The following STK10 variants were observed in gnomAD, a reference collection of about 807,000 sequenced individuals.
STK10 encodes serine/threonine-protein kinase 10.
A neutral mutation model predicts 113.8 loss-of-function variants in STK10; 78 were observed. The observed-to-expected ratio is 0.69, with a 90% CI of 0.57 to 0.83. The LOEUF is 0.83. Among genes scored for constraint, STK10 ranks in the 40% least tolerant of loss-of-function variants. The probability of loss-of-function intolerance (pLI) is 0.00; values close to 1 mark genes in which losing one functional copy is unlikely to be tolerated. For missense variants in STK10, 1,109 were observed against 1,280.1 expected (o/e 0.87, Z 2.04); for synonymous variants, 465 against 494.7 (o/e 0.94, Z 0.80).
intron 3 of STK10, among the ~76,000 whole-genome samples, chr5:172,126,063 C>T (rs763421750): frequency 3.9e-5 from 6 of 152,202 alleles, no homozygotes; most frequent in Admixed American, 6.5e-5. Context: ...TCCTAAGTGC[C>T]TCTCCTCTTC....
chr5:172,060,873 C>T (rs1381385651), intron 14 of STK10, among the ~76,000 whole-genome samples: 1 of 152,226 alleles, frequency 6.6e-6, no homozygotes, highest in East Asian at 1.9e-4. Flanking sequence ...GTAAATCCAG[C>T]TCACTTATTA....
intron 10 of STK10, among the ~76,000 whole-genome samples, chr5:172,083,644 A>AAT (rs1768483084): frequency 6.6e-6 from 1 of 152,242 alleles, no homozygotes; most frequent in Non-Finnish European, 1.5e-5. Flanking sequence ...GTGGTGGCTC[A>AAT]CACCTGTAAT....
At chr5:172,151,567 A>G (rs9313578) in intron 2 of STK10, among the ~76,000 whole-genome samples, 71,765 of 151,680 alleles carry the variant, frequency 0.47, 17,287 homozygotes, top group African/African-American at 0.57. Flanking sequence ...GGCTGGTCTC[A>G]AACGCCTGAT....
rs146831583 is a variant in STK10, at chr5:172,058,976, C to T, written c.2213-1503G>A. ...CGGTGGCTCATGCCTGTAATCCTAG[C>T]ACTTTGGGAGGCCGACGCAGGCAGA... On this transcript the variant is annotated intron_variant, in intron 14 of 18. Transcript: ENST00000176763. Among the ~76,000 whole-genome samples, 1,395 of 152,150 alleles carry T rather than the reference C, an allele frequency of 9.2e-3. 27 individuals carry two copies. The highest frequency in any genetic ancestry group is 0.032 in the African/African-American group (1,340 of 41,502).
At chr5:172,153,287 A>G (rs994828142) in intron 2 of STK10, among the ~76,000 whole-genome samples, 1 of 83,592 alleles carries the variant, frequency 1.2e-5, no homozygotes, top group African/African-American at 5.0e-5. Flanking sequence ...ACTCCATCTC[A>G]AAAAGAAAGA....
chr5:172,055,759 C>T lies in STK10; in HGVS notation c.2355G>A (p.Gln785=), dbSNP rs1226917522. 5.3e-6 allele frequency: 8 copies of T among 1,511,212 alleles called. No homozygotes were observed. The highest frequency in any genetic ancestry group is 2.1e-5 in the Admixed American group (1 of 47,014). 93.6% of individuals were successfully genotyped at this position (1,511,212 alleles called of 1,614,324 possible). A position where few individuals can be genotyped will look rare whatever the true frequency, so the allele number is the denominator to read the frequency against. ...RKHEKEREQM[Q]RYNQRMIEQL... is the part of the protein sequence containing the mutation. ...GCTCTATCATGCGCTGGTTGTAGCG[C>T]TGCATCTGCTCCCGCTCCTGGAGAG... Residue 785 remains glutamine (Q), a synonymous_variant, in exon 16 of 19, where the codon CAG becomes CAA. Coordinates refer to ENST00000176763, the MANE Select transcript of STK10 (RefSeq NM_005990.4).
intron 2 of STK10, among the ~76,000 whole-genome samples, chr5:172,132,563 A>C (rs1472844935): frequency 6.6e-6 from 1 of 152,102 alleles, no homozygotes; most frequent in Non-Finnish European, 1.5e-5. Flanking sequence ...ATCAAGTCCA[A>C]AGTGAAACCG....
chr5:172,100,694 A>G (rs112794786), intron 7 of STK10, among the ~76,000 whole-genome samples: 14,522 of 152,114 alleles, frequency 0.095, 2,313 homozygotes, highest in African/African-American at 0.33. Flanking sequence ...GGCTGAAGCA[A>G]GAGAATCGCT....
chr5:172,083,655 T>C (rs147024214), intron 10 of STK10, among the ~76,000 whole-genome samples: 6,298 of 152,124 alleles, frequency 0.041, 442 homozygotes, highest in African/African-American at 0.14. Flanking sequence ...CACCTGTAAT[T>C]CCAGCACTTT....
At chr5:172,181,437 G>A (rs1262902195) in intron 1 of STK10, among the ~76,000 whole-genome samples, 7 of 151,624 alleles carry the variant, frequency 4.6e-5, no homozygotes, top group Non-Finnish European at 8.8e-5. Context: ...TACGTATTAC[G>A]TAAAGCGCCT....
At chr5:172,167,796 A>G (rs1007824271) in intron 1 of STK10, among the ~76,000 whole-genome samples, 6 of 152,258 alleles carry the variant, frequency 3.9e-5, no homozygotes, top group African/African-American at 1.4e-4. Flanking sequence ...AGGTACATAC[A>G]GAACACTTCG....
chr5:172,084,349 G>A (rs557823368), intron 10 of STK10, among the ~76,000 whole-genome samples: 1 of 151,948 alleles, frequency 6.6e-6, no homozygotes, highest in East Asian at 1.9e-4. Context: ...GCAGTGAGCC[G>A]AGATAGCGCC....
intron 4 of STK10, among the ~76,000 whole-genome samples, chr5:172,116,465 T>C (rs559337695): frequency 6.6e-6 from 1 of 152,270 alleles, no homozygotes; most frequent in South Asian, 2.1e-4. Flanking sequence ...AAAGCGCTTG[T>C]CTCTGCAGGT....
intron 18 of STK10, among the ~76,000 whole-genome samples, chr5:172,046,370 A>G (rs1231735114): frequency 6.6e-6 from 1 of 151,774 alleles, no homozygotes; most frequent in Non-Finnish European, 1.5e-5. Flanking sequence ...AAAAAAAAAA[A>G]AAATTTTTTT....
intron 2 of STK10, among the ~76,000 whole-genome samples, chr5:172,150,209 G>A (rs867201763): frequency 2.6e-5 from 4 of 151,946 alleles, no homozygotes; most frequent in African/African-American, 9.6e-5. Flanking sequence ...GGCTGGGCAT[G>A]GTGGCTCACG....
At chr5:172,098,633 AAG>A (rs1440646415) in intron 7 of STK10, among the ~76,000 whole-genome samples, 1 of 152,104 alleles carries the variant, frequency 6.6e-6, no homozygotes, top group African/African-American at 2.4e-5. Context: ...CTGTACTTTT[AAG>A]AGGTCTTGAG....
In STK10 at chr5:172,133,837, G is replaced by A. The variant is rs548444220; in HGVS notation, c.322-6416C>T. Among the ~76,000 whole-genome samples, 17 of 152,276 alleles carry A rather than the reference G, an allele frequency of 1.1e-4. No homozygotes were observed. In the East Asian group the frequency reaches 1.7e-3, roughly 16 times the overall value. On this transcript the variant is annotated intron_variant, in intron 2 of 18. Coordinates refer to ENST00000176763, the MANE Select transcript of STK10 (RefSeq NM_005990.4). This position sits in a 1 kb window ranked among gnomAD's most constrained non-coding sequence, Gnocchi z 4.9. ...TGTTACCAAAAGTACCTGATCCCAC[G>A]CTTGGCAGGAGATGATGAGTAACCA...
chr5:172,155,886 T>C (rs1770337830), intron 2 of STK10, among the ~76,000 whole-genome samples: 1 of 151,810 alleles, frequency 6.6e-6, no homozygotes, highest in Admixed American at 6.6e-5. Context: ...TCCCAGCTAC[T>C]CAGGAGGCTG....
intron 18 of STK10, among the ~76,000 whole-genome samples, chr5:172,050,083 G>A (rs1204314932): frequency 6.6e-6 from 1 of 152,208 alleles, no homozygotes; most frequent in Non-Finnish European, 1.5e-5. Context: ...GATTACAGGT[G>A]TGAGCCACCA....
Sources: gnomAD v4.1 joint callset for allele counts (sites outside exome capture counted in the v4.1 genomes callset) on GRCh38, gnomAD v4.1.1 for gene constraint, Gnocchi (gnomAD v3.1) non-coding constraint, MANE v1.5 for transcripts, NCBI Gene and HGNC (gene_info 2026-07-23, HGNC 2026-07-21) for gene names.